The following URI1 variants were observed in gnomAD, a reference collection of about 807,000 sequenced individuals.
The protein encoded by URI1 is unconventional prefoldin RPB5 interactor 1.
A neutral mutation model predicts 60.2 loss-of-function variants in URI1; 39 were observed. The observed-to-expected ratio is 0.65, with a 90% CI of 0.50 to 0.85. The LOEUF (loss-of-function observed/expected upper bound fraction) is 0.85. Among genes scored for constraint, URI1 ranks in the 40% least tolerant of loss-of-function variants. The probability of loss-of-function intolerance (pLI) is 0.00; values close to 1 mark genes in which losing one functional copy is unlikely to be tolerated. For synonymous variants in URI1, 251 were observed against 236.8 expected, an observed-to-expected ratio of 1.06 and a Z score of -0.55; for missense variants, 691 against 665.9, an observed-to-expected ratio of 1.04 and a Z score of -0.42.
At chr19:30,008,582 T>C (rs1183250872) in intron 7 of URI1, among the ~76,000 whole-genome samples, 1 of 152,090 alleles carries the variant, frequency 6.6e-6, no homozygotes, top group Non-Finnish European at 1.5e-5. Flanking sequence ...TCCTTTATTT[T>C]TAAAAATTAC....
At chr19:29,935,714 T>TTTTTTTTTTTTTTTTTTTTTTTTTTTC (rs2054964136) in intron 1 of URI1, among the ~76,000 whole-genome samples, 3 of 149,236 alleles carry the variant, frequency 2.0e-5, no homozygotes, top group African/African-American at 7.4e-5. Flanking sequence ...TTTTTTTTTT[T>TTTTTTTTTTTTTTTTTTTTTTTTTTTC]CCCCAGGACT....
chr19:29,995,282 A>T (rs162933), intron 4 of URI1, among the ~76,000 whole-genome samples: 5,177 of 152,154 alleles, frequency 0.034, 317 homozygotes, highest in African/African-American at 0.12. Flanking sequence ...TTTGAAGTGA[A>T]GTATCAGCAG....
At chr19:29,933,981 G>A (rs2054946323) in intron 1 of URI1, among the ~76,000 whole-genome samples, 2 of 134,930 alleles carry the variant, frequency 1.5e-5, no homozygotes, top group Non-Finnish European at 3.0e-5. Flanking sequence ...TGTCACCCAG[G>A]CTGGAGTGCA....
chr19:30,014,760 A>T, intron 10 of URI1, 127 bp from the exon 11 acceptor site: 1 of 798,404 alleles, frequency 1.3e-6, no homozygotes, highest in Non-Finnish European at 2.0e-6. Flanking sequence ...TTGGTGTAGT[A>T]GTGTTGTCTA....
At chr19:29,956,916 CTG>C in intron 1 of URI1, 4 of 1,108,854 alleles carry the variant, frequency 3.6e-6, no homozygotes, top group Admixed American at 1.7e-5. Context: ...TTTATGATAA[CTG>C]TGCGTCCCTT....
At chr19:30,004,785 A>G (rs1397153115) in intron 4 of URI1, among the ~76,000 whole-genome samples, 2 of 152,070 alleles carry the variant, frequency 1.3e-5, no homozygotes, top group East Asian at 1.9e-4. Context: ...CTATTCTCAA[A>G]TTAAAATTTT....
chr19:29,981,401 A>T (rs2055596061), intron 2 of URI1, among the ~76,000 whole-genome samples: 1 of 151,798 alleles, frequency 6.6e-6, no homozygotes, highest in African/African-American at 2.4e-5. Flanking sequence ...GCTGTTTCCC[A>T]TAGGTTCTGT....
chr19:29,928,659 C>T (rs930567045), intron 1 of URI1, among the ~76,000 whole-genome samples: 1 of 151,986 alleles, frequency 6.6e-6, no homozygotes, highest in African/African-American at 2.4e-5. Flanking sequence ...AATAGGATTG[C>T]CAGATAAAAT....
In URI1 at chr19:30,015,589, G is replaced by A; in HGVS notation, c.*520G>A. On this transcript the variant is annotated 3_prime_UTR_variant, in exon 11 of 11. Transcript: ENST00000392271. Reference sequence around the variant, plus strand: ...ACCTCGCCCCTCTGAATGTCATACTGTAATCTTTAAGGAAGAAAGCTACAT... The same window carrying A: ...ACCTCGCCCCTCTGAATGTCATACTATAATCTTTAAGGAAGAAAGCTACAT... 4 of 1,531,172 alleles carry A rather than the reference G, an allele frequency of 2.6e-6. No individual in the cohort carries two copies. Among genetic ancestry groups the A allele is most frequent in the Non-Finnish European group, 3.5e-6 (4 of 1,143,942 alleles). 94.8% of individuals were successfully genotyped at this position (1,531,172 alleles called of 1,614,324 possible).
intron 4 of URI1, among the ~76,000 whole-genome samples, chr19:29,993,180 C>G (rs1251979227): frequency 6.6e-6 from 1 of 151,978 alleles, no homozygotes; most frequent in Non-Finnish European, 1.5e-5. Flanking sequence ...AGAGCATGAA[C>G]TAGGGGTAAT....
intron 1 of URI1, among the ~76,000 whole-genome samples, chr19:29,964,996 A>T (rs2055375129): frequency 1.3e-5 from 2 of 152,068 alleles, no homozygotes; most frequent in Non-Finnish European, 2.9e-5. Context: ...AATCATACAG[A>T]TGCTTAGGAA....
chr19:29,964,029 C>G (rs771099658), intron 1 of URI1, among the ~76,000 whole-genome samples: 5 of 152,190 alleles, frequency 3.3e-5, no homozygotes, highest in Non-Finnish European at 7.3e-5. Flanking sequence ...CTCTTGTGCT[C>G]TCATTTTACT....
chr19:29,967,064 A>G (rs1230721298), intron 1 of URI1, among the ~76,000 whole-genome samples: 2 of 152,212 alleles, frequency 1.3e-5, no homozygotes, highest in East Asian at 1.9e-4. Context: ...TCTGTCACCA[A>G]TATAAATAGC....
chr19:30,009,443 TATC>T lies in URI1; in HGVS notation c.1035+93_1035+95del, dbSNP rs2055991085. 4 of 1,216,708 alleles carry T rather than the reference TATC, an allele frequency of 3.3e-6. No homozygotes were observed. The East Asian group carries it at 7.2e-5, about 22-fold the overall frequency. The allele number at this position is 1,216,708 out of a possible 1,614,324, so 75.4% of individuals were successfully genotyped here. A position where few individuals can be genotyped will look rare whatever the true frequency, so the allele number is the denominator to read the frequency against. On this transcript the variant is annotated intron_variant, in intron 8 of 10. Transcript: ENST00000392271. ...TTAGAAGAGCAATATTAACAATCAT[TATC>T]ATTGTGGATAGTGCCAGACAGGAAA...
chr19:30,006,809 A>AT (rs1446960015), intron 6 of URI1, among the ~76,000 whole-genome samples: 3 of 152,102 alleles, frequency 2.0e-5, no homozygotes, highest in African/African-American at 7.2e-5. Flanking sequence ...AAAATAATCT[A>AT]TTTTTTAAAA....
intron 2 of URI1, among the ~76,000 whole-genome samples, chr19:29,979,745 C>T (rs1308836629): frequency 6.6e-6 from 1 of 152,106 alleles, no homozygotes; most frequent in Non-Finnish European, 1.5e-5. Flanking sequence ...ATTATTTCAT[C>T]AGCATCTTCT....
intron 2 of URI1, among the ~76,000 whole-genome samples, chr19:29,978,752 A>G (rs1321349189): frequency 6.6e-6 from 1 of 152,196 alleles, no homozygotes; most frequent in Admixed American, 6.5e-5. Flanking sequence ...CCTATAATTT[A>G]CTTTTTACTA....
At chr19:29,946,580 C>G (rs1300783688) in intron 1 of URI1, among the ~76,000 whole-genome samples, 1 of 152,102 alleles carries the variant, frequency 6.6e-6, no homozygotes, top group East Asian at 1.9e-4. Flanking sequence ...TTTGGAATAG[C>G]TTATACTTCC....
At chr19:29,944,759 C>T (rs7249389) in intron 1 of URI1, among the ~76,000 whole-genome samples, 10,259 of 152,162 alleles carry the variant, frequency 0.067, 511 homozygotes, top group East Asian at 0.23. Context: ...GGAAAAAGCG[C>T]GTCAGTATTT....
Sources: gnomAD v4.1 joint callset for allele counts (sites outside exome capture counted in the v4.1 genomes callset) on GRCh38, gnomAD v4.1.1 for gene constraint, MANE v1.5 for transcripts, NCBI Gene and HGNC (gene_info 2026-07-23, HGNC 2026-07-21) for gene names.